Variants in SMYD3 observed in about 807,000 individuals in gnomAD.
SMYD3 encodes the protein histone-lysine N-methyltransferase SMYD3.
A neutral mutation model predicts 57.7 loss-of-function variants in SMYD3; 36 were observed. That is an observed-to-expected ratio of 0.62 (90% confidence interval 0.48 to 0.82). The LOEUF is 0.82. Ranked by LOEUF, SMYD3 falls within the 40% of genes least tolerant of loss-of-function variation. SMYD3 has a pLI of 0.00. For missense variants in SMYD3, 515 were observed against 538.8 expected (o/e 0.96, Z 0.44); for synonymous variants, 211 against 195.0 (o/e 1.08, Z -0.68).
In SMYD3 at chr1:246,355,254, C is replaced by G; in HGVS notation, c.165-160G>C. 1.6e-6 allele frequency: 1 copy of G among 643,702 alleles called. No homozygotes were observed. Among genetic ancestry groups the G allele is most frequent in the Non-Finnish European group, 2.7e-6 (1 of 368,320 alleles). The allele number at this position is 643,702 out of a possible 1,614,324, so 39.9% of individuals were successfully genotyped here. Reference sequence around the variant, plus strand: ...TTGGATTTTCACACTGATGAGCCTCCTCTTGAACCTTCCATGTGAGACACT... The same window carrying G: ...TTGGATTTTCACACTGATGAGCCTCGTCTTGAACCTTCCATGTGAGACACT... On this transcript the variant is annotated intron_variant, in intron 1 of 11. Transcript: ENST00000490107. This position sits in a 1 kb window ranked among gnomAD's most constrained non-coding sequence, Gnocchi z 5.0.
chr1:246,387,350 G>C (rs371927895), intron 1 of SMYD3, among the ~76,000 whole-genome samples: 1 of 152,150 alleles, frequency 6.6e-6, no homozygotes, highest in Non-Finnish European at 1.5e-5. Flanking sequence ...GTTTTAAGGA[G>C]TAAATAAAAT....
At chr1:246,357,920 T>A (rs1447589109) in intron 1 of SMYD3, among the ~76,000 whole-genome samples, 1 of 152,092 alleles carries the variant, frequency 6.6e-6, no homozygotes, top group Non-Finnish European at 1.5e-5. Context: ...ACACAAGGTA[T>A]TCAGACAACA....
intron 5 of SMYD3, among the ~76,000 whole-genome samples, chr1:245,996,795 G>C (rs1248392272): frequency 1.3e-5 from 2 of 151,488 alleles, no homozygotes; most frequent in African/African-American, 4.8e-5. Context: ...CAGAAACACA[G>C]AAAGTTCAAA....
chr1:246,173,867 C>T (rs145398631), intron 5 of SMYD3, among the ~76,000 whole-genome samples: 18 of 152,144 alleles, frequency 1.2e-4, no homozygotes, highest in Non-Finnish European at 2.4e-4. Context: ...AGTGCAGTAG[C>T]GGGATCATAG....
chr1:245,835,645 G>A (rs75543751), intron 10 of SMYD3, among the ~76,000 whole-genome samples: 4,227 of 152,186 alleles, frequency 0.028, 207 homozygotes, highest in African/African-American at 0.093. Flanking sequence ...GCCCGGTCTC[G>A]ATTCTGCACA....
intron 10 of SMYD3, among the ~76,000 whole-genome samples, chr1:245,766,140 C>T (rs2046084914): frequency 6.6e-6 from 1 of 152,042 alleles, no homozygotes; most frequent in South Asian, 2.1e-4. Context: ...CGCGGCGGCT[C>T]ACACCTGTAA....
At chr1:246,450,399 C>T (rs768241107) in intron 1 of SMYD3, among the ~76,000 whole-genome samples, 18 of 152,108 alleles carry the variant, frequency 1.2e-4, no homozygotes, top group South Asian at 2.1e-4. Flanking sequence ...TCAGGAAATG[C>T]TTGATTTGAT....
intron 5 of SMYD3, chr1:246,193,748 C>T (rs1011827766): frequency 3.7e-5 from 2 of 53,596 alleles, no homozygotes; most frequent in African/African-American, 8.8e-5. Flanking sequence ...CAGCACACTT[C>T]CTGTAGATCT....
chr1:246,443,245 C>T (rs1029637745), intron 1 of SMYD3, among the ~76,000 whole-genome samples: 1 of 152,172 alleles, frequency 6.6e-6, no homozygotes. Flanking sequence ...TAATATCTTT[C>T]AGTTTGATCC....
intron 2 of SMYD3, among the ~76,000 whole-genome samples, chr1:246,339,546 C>T (rs542744538): frequency 2.0e-5 from 3 of 152,284 alleles, no homozygotes; most frequent in Non-Finnish European, 2.9e-5. Context: ...AAATGCTACA[C>T]AGTTACACAT....
At chr1:245,912,944 A>G (rs568194493) in intron 8 of SMYD3, among the ~76,000 whole-genome samples, 5 of 152,266 alleles carry the variant, frequency 3.3e-5, no homozygotes, top group East Asian at 3.9e-4. Context: ...CATTGTGGAA[A>G]ACAGTGTGGC....
intron 7 of SMYD3, among the ~76,000 whole-genome samples, chr1:245,920,297 A>G (rs1413167230): frequency 7.5e-6 from 1 of 133,534 alleles, no homozygotes; most frequent in East Asian, 2.4e-4. Flanking sequence ...TGGGCGACAG[A>G]GCGAGACTCC....
intron 5 of SMYD3, among the ~76,000 whole-genome samples, chr1:246,260,512 C>A (rs12138703): frequency 0.21 from 31,504 of 151,578 alleles, 3,978 homozygotes; most frequent in East Asian, 0.58. Flanking sequence ...GTGCAATGGC[C>A]CGACCTTGGC....
intron 5 of SMYD3, among the ~76,000 whole-genome samples, chr1:246,206,220 GA>G (rs1165538122): frequency 1.3e-5 from 2 of 151,866 alleles, no homozygotes; most frequent in East Asian, 3.9e-4. Flanking sequence ...TTTAAAAAAA[GA>G]AAAACAAATT....
intron 10 of SMYD3, among the ~76,000 whole-genome samples, chr1:245,812,761 G>A (rs906882439): frequency 6.6e-5 from 10 of 150,576 alleles, no homozygotes; most frequent in African/African-American, 2.4e-4. Context: ...CTCAGTAGCA[G>A]GAACTGAGAA....
intron 5 of SMYD3, among the ~76,000 whole-genome samples, chr1:245,965,661 G>A (rs767667951): frequency 2.0e-5 from 3 of 152,158 alleles, no homozygotes; most frequent in African/African-American, 7.2e-5. Context: ...GATTTCAACT[G>A]TATGACATTA....
intron 1 of SMYD3, among the ~76,000 whole-genome samples, chr1:246,357,796 G>C (rs1308046965): frequency 6.6e-6 from 1 of 152,096 alleles, no homozygotes; most frequent in East Asian, 1.9e-4. Flanking sequence ...AGCACTACAA[G>C]AACTGCCAAA....
intron 1 of SMYD3, among the ~76,000 whole-genome samples, chr1:246,408,070 G>A (rs1004876850): frequency 4.0e-5 from 6 of 151,788 alleles, no homozygotes; most frequent in African/African-American, 7.2e-5. Context: ...TTATGAGGGC[G>A]CTAATCCCAT....
At chr1:245,823,830 C>G (rs1237642352) in intron 10 of SMYD3, among the ~76,000 whole-genome samples, 1 of 152,216 alleles carries the variant, frequency 6.6e-6, no homozygotes, top group Non-Finnish European at 1.5e-5. Flanking sequence ...CAGGATAAAA[C>G]TGCACTATAC....
Sources: allele counts gnomAD v4.1 joint callset (sites outside exome capture counted in the v4.1 genomes callset), GRCh38; gene constraint gnomAD v4.1.1; non-coding constraint Gnocchi (gnomAD v3.1); transcripts MANE v1.5; gene names NCBI Gene and HGNC (gene_info 2026-07-23, HGNC 2026-07-21).